CCDC144A: variants seen among roughly 807,000 people sequenced by gnomAD.
The protein encoded by CCDC144A is coiled-coil domain containing 144A, also known as coiled-coil domain-containing protein 144A.
CCDC144A carries 41 observed loss-of-function variants against 143.8 expected under a neutral mutation model. The ratio of observed to expected loss-of-function variants is 0.29; its 90% CI spans 0.22 to 0.37. CCDC144A has a LOEUF of 0.37. Among genes scored for constraint, CCDC144A ranks in the 10% least tolerant of loss-of-function variants. CCDC144A has a pLI of 1.00. For synonymous variants in CCDC144A, 242 were observed against 517.9 expected (o/e 0.47, Z 7.23); for missense variants, 637 against 1,488.8 (o/e 0.43, Z 9.41).
chr17:16,676,053 A>G, the CCDC144A span, among the ~76,000 whole-genome samples: 1 of 152,044 alleles, frequency 6.6e-6, no homozygotes, highest in East Asian at 1.9e-4. Flanking sequence ...CGGCCCACGC[A>G]GGGACTTTAA....
At chr17:16,700,153 A>C (rs1911651052) in intron 2 of CCDC144A, among the ~76,000 whole-genome samples, 2 of 152,182 alleles carry the variant, frequency 1.3e-5, no homozygotes, top group Non-Finnish European at 2.9e-5. Context: ...AAAAGACACA[A>C]AGCAACATTC....
At chr17:16,716,812 G>GTTTTT (rs1281244236) in intron 6 of CCDC144A, among the ~76,000 whole-genome samples, 2 of 131,226 alleles carry the variant, frequency 1.5e-5, no homozygotes, top group African/African-American at 2.9e-5. Flanking sequence ...GATTCCAGCT[G>GTTTTT]TTTTTTTTTT....
Position 16,771,967 on chromosome 17 carries a change from CT to C in CCDC144A, c.4099-8del. 6.6e-7 allele frequency: 1 copy of C among 1,522,874 alleles called. No homozygotes were observed. The highest frequency in any genetic ancestry group is 2.5e-5 in the East Asian group (1 of 40,362). 94.3% of individuals were successfully genotyped at this position (1,522,874 alleles called of 1,614,324 possible). ...CTTAAACGTTATAAATAATATTTGA[CT>C]TATTTCAGATGCAGCAGAAGTTGCA... On this transcript the variant is annotated splice_polypyrimidine_tract_variant and intron_variant, in intron 15 of 16. Transcript: ENST00000399273.
chr17:16,691,033 G>A (rs1911035284), intron 1 of CCDC144A, among the ~76,000 whole-genome samples: 1 of 152,062 alleles, frequency 6.6e-6, no homozygotes, highest in African/African-American at 2.4e-5. Context: ...TTCTACTGTC[G>A]CTCAGGTTCC....
At chr17:16,766,921 G>A (rs1037602035) in intron 15 of CCDC144A, 1 of 152,044 alleles carries the variant, frequency 6.6e-6, no homozygotes, top group African/African-American at 2.4e-5. Context: ...GTAGTTCCAA[G>A]GCATACCTAG....
Position 16,775,858 on chromosome 17 carries a change from A to G in CCDC144A, c.*2225A>G, listed in dbSNP as rs1915984581. On this transcript the variant is annotated 3_prime_UTR_variant, in exon 17 of 17. Coordinates refer to ENST00000399273, the MANE Select transcript of CCDC144A (RefSeq NM_001382000.1). ...TTTGGGTTGTAGATTTAAGTCTTTA[A>G]TCCATCTTGAGTTAACTTTTGTATA... 1 of 152,210 alleles carries G rather than the reference A, an allele frequency of 6.6e-6. No homozygotes were observed. Among genetic ancestry groups the G allele is most frequent in the Non-Finnish European group, 1.5e-5 (1 of 68,060 alleles). The allele number at this position is 152,210 out of a possible 1,614,324, so 9.4% of individuals were successfully genotyped here.
intron 12 of CCDC144A, among the ~76,000 whole-genome samples, chr17:16,760,000 G>T (rs1302256398): frequency 3.3e-5 from 5 of 152,226 alleles, no homozygotes; most frequent in Non-Finnish European, 5.9e-5. Flanking sequence ...GGCATTCGAA[G>T]CTGGCTTTTG....
At chr17:16,753,817 TTTG>T (rs1325758242) in intron 12 of CCDC144A, among the ~76,000 whole-genome samples, 1 of 152,218 alleles carries the variant, frequency 6.6e-6, no homozygotes, top group East Asian at 1.9e-4. Context: ...GTAGTTTTCT[TTTG>T]TTGTTGTGTC....
intron 12 of CCDC144A, among the ~76,000 whole-genome samples, chr17:16,758,690 A>G (rs1915215992): frequency 6.6e-6 from 1 of 152,140 alleles, no homozygotes; most frequent in Non-Finnish European, 1.5e-5. Context: ...TCCTTTTCAT[A>G]AGCAATGACC....
chr17:16,704,118 A>G (rs1477708381), intron 2 of CCDC144A, among the ~76,000 whole-genome samples: 1 of 152,082 alleles, frequency 6.6e-6, no homozygotes. Context: ...TTAAAGTTTC[A>G]CTTATGTGTT....
intron 11 of CCDC144A, among the ~76,000 whole-genome samples, chr17:16,733,395 C>T (rs561489608): frequency 5.4e-5 from 8 of 146,914 alleles, no homozygotes; most frequent in Admixed American, 1.4e-4. Context: ...CCCAGCTACT[C>T]GGGAGGCTGA....
At chr17:16,758,457 A>G (rs899672665) in intron 12 of CCDC144A, among the ~76,000 whole-genome samples, 15 of 152,222 alleles carry the variant, frequency 9.9e-5, no homozygotes, top group Non-Finnish European at 1.9e-4. Context: ...ACAAAGACGT[A>G]AGAACTAAAG....
In CCDC144A at chr17:16,748,971, G is replaced by GTTATTTATTTAT. The variant is rs59024455; in HGVS notation, c.3373-12437_3373-12426dup. ...GATTGTGCTTATTTAGATGTTCTCTGTTATTTATTTATTTATTTATTTATT... is the reference window on the plus strand; with the variant it reads ...GATTGTGCTTATTTAGATGTTCTCTGTTATTTATTTATTTATTTATTTATTTATTTATTTATT... On this transcript the variant is annotated intron_variant, in intron 12 of 16. Coordinates refer to ENST00000399273, the MANE Select transcript of CCDC144A (RefSeq NM_001382000.1). Among the ~76,000 whole-genome samples, 244 of 150,618 alleles carry GTTATTTATTTAT rather than the reference G, an allele frequency of 1.6e-3. 1 individual carries two copies. The highest frequency in any genetic ancestry group is 6.4e-3 in the South Asian group (30 of 4,724).
chr17:16,715,425 C>A (rs556799578), intron 6 of CCDC144A, among the ~76,000 whole-genome samples: 2 of 151,694 alleles, frequency 1.3e-5, no homozygotes, highest in Admixed American at 1.3e-4. Context: ...AAGCTACATT[C>A]TTTGTATTAA....
chr17:16,686,705 T>C (rs1910793585), upstream of CCDC144A, among the ~76,000 whole-genome samples: 1 of 151,268 alleles, frequency 6.6e-6, no homozygotes, highest in Non-Finnish European at 1.5e-5. Context: ...TGGAGTGGTA[T>C]AATCTTGGCT....
rs1555531714 is a variant in CCDC144A at position 16,711,144 on chromosome 17, A to AAAAAAAC, written c.1579-529_1579-528insCAAAAAA. On this transcript the variant is annotated intron_variant, in intron 5 of 16. Coordinates refer to ENST00000399273, the MANE Select transcript of CCDC144A (RefSeq NM_001382000.1). ...TATCCCAGGATTCAAATGAAAAAAA[A>AAAAAAAC]AAAAAAAAAAAAAACAAAAGTTAGT... is the stretch of plus-strand genomic sequence containing the variant. 3.5e-4 allele frequency among the ~76,000 whole-genome samples: 48 copies of AAAAAAAC among 135,520 alleles called. 3 individuals are homozygous for AAAAAAAC. Among genetic ancestry groups the AAAAAAAC allele is most frequent in the African/African-American group, 1.2e-3 (45 of 36,284 alleles). 88.9% of individuals were successfully genotyped at this position (135,520 alleles called of 152,430 possible).
chr17:16,748,118 A>G (rs1187424493), intron 12 of CCDC144A, among the ~76,000 whole-genome samples: 2 of 152,134 alleles, frequency 1.3e-5, no homozygotes, highest in Non-Finnish European at 2.9e-5. Flanking sequence ...CCTGGCCTCA[A>G]GTGATTCTCC....
upstream of CCDC144A, among the ~76,000 whole-genome samples, chr17:16,689,316 C>T (rs540465861): frequency 2.6e-5 from 4 of 152,260 alleles, no homozygotes; most frequent in South Asian, 8.3e-4. Context: ...CTGTCTCAGC[C>T]TCTGGAGTAG....
chr17:16,714,113 G>A (rs1912606249), intron 6 of CCDC144A, among the ~76,000 whole-genome samples: 1 of 152,052 alleles, frequency 6.6e-6, no homozygotes, highest in African/African-American at 2.4e-5. Context: ...CACTCACCTG[G>A]CTTTTCTTCC....
Sources: gnomAD v4.1 joint callset for allele counts (sites outside exome capture counted in the v4.1 genomes callset) on GRCh38, gnomAD v4.1.1 for gene constraint, MANE v1.5 for transcripts, NCBI Gene and HGNC (gene_info 2026-07-23, HGNC 2026-07-21) for gene names.